The following PCLO variants were observed in gnomAD, a reference collection of about 807,000 sequenced individuals.
The protein encoded by PCLO is protein piccolo.
A neutral mutation model predicts 427.5 loss-of-function variants in PCLO; 82 were observed. That is an observed-to-expected ratio of 0.19 (90% CI 0.16 to 0.23). The LOEUF (loss-of-function observed/expected upper bound fraction) is 0.23, where lower values mean the gene tolerates loss of function less well. Among genes scored for constraint, PCLO ranks in the 10% least tolerant of loss-of-function variants. The probability of loss-of-function intolerance (pLI) is 1.00; values close to 1 mark genes in which losing one functional copy is unlikely to be tolerated. For missense variants in PCLO, 6,239 were observed against 6,115.9 expected (o/e 1.02, Z -0.67); for synonymous variants, 2,357 against 2,155.4 (o/e 1.09, Z -2.59).
intron 3 of PCLO, among the ~76,000 whole-genome samples, chr7:83,017,327 A>AT (rs957025649): frequency 4.6e-5 from 7 of 151,758 alleles, no homozygotes; most frequent in South Asian, 2.1e-4. Context: ...ACATTAAAGA[A>AT]TTTTTTTTTG....
intron 22 of PCLO, among the ~76,000 whole-genome samples, chr7:82,763,225 T>C (rs962287115): frequency 1.3e-5 from 2 of 152,058 alleles, no homozygotes; most frequent in Non-Finnish European, 2.9e-5. Flanking sequence ...ATAAATAAAG[T>C]GTCTACTAGC....
chr7:82,824,680 G>T (rs1307545989), intron 18 of PCLO, among the ~76,000 whole-genome samples: 1 of 150,736 alleles, frequency 6.6e-6, no homozygotes, highest in Admixed American at 6.7e-5. Flanking sequence ...TGGATATGAT[G>T]TTAAAAGATA....
In PCLO at chr7:82,915,569, T is replaced by G; in HGVS notation, c.12417A>C (p.Leu4139Phe). 1 of 1,613,712 alleles carries G rather than the reference T, an allele frequency of 6.2e-7. No homozygotes were observed. ...AATGAGAAAGACCAGCAAGGTGATCTAAGCTCTCTGTCCCTCTACGAAATT... is the reference window on the plus strand; with the variant it reads ...AATGAGAAAGACCAGCAAGGTGATCGAAGCTCTCTGTCCCTCTACGAAATT... ...KQEFRRGTES[L>F]DHLAGLSHYY... The change falls in exon 7 of 25, where the codon TTA becomes TTC. Residue 4139 changes from leucine (L) to phenylalanine (F), a missense_variant. This residue lies in a region of PCLO where 680 missense variants were observed against 677.3 expected (regional missense o/e 1.00). Coordinates refer to ENST00000333891, the MANE Select transcript of PCLO (RefSeq NM_033026.6).
chr7:82,923,056 A>G (rs932121417), intron 6 of PCLO, among the ~76,000 whole-genome samples: 1 of 152,012 alleles, frequency 6.6e-6, no homozygotes, highest in African/African-American at 2.4e-5. Flanking sequence ...TGTAAACAAG[A>G]TATTTTGATA....
chr7:82,984,666 T>G (rs1318798166), intron 3 of PCLO, among the ~76,000 whole-genome samples: 1 of 151,964 alleles, frequency 6.6e-6, no homozygotes, highest in African/African-American at 2.4e-5. Flanking sequence ...CACAGCTTTC[T>G]GCTAAATCCT....
In PCLO at chr7:83,023,720, G is replaced by C. The variant is rs151239615; in HGVS notation, c.3301-57233C>G. Among the ~76,000 whole-genome samples the C allele has an allele frequency of 1.5e-3, 226 of 152,260 alleles. 1 individual carries two copies. Among genetic ancestry groups the C allele is most frequent in the African/African-American group, 5.2e-3 (217 of 41,556 alleles). ...CCATGAGTACGGAAAGCTTACGATTGTTTCAGATAAAATTTAATAGTTTCA... is the reference window on the plus strand; with the variant it reads ...CCATGAGTACGGAAAGCTTACGATTCTTTCAGATAAAATTTAATAGTTTCA... On this transcript the variant is annotated intron_variant, in intron 3 of 24. Coordinates refer to ENST00000333891, the MANE Select transcript of PCLO (RefSeq NM_033026.6).
intron 3 of PCLO, among the ~76,000 whole-genome samples, chr7:82,993,112 T>C (rs1294082336): frequency 6.6e-6 from 1 of 152,022 alleles, no homozygotes; most frequent in East Asian, 1.9e-4. Context: ...ATTGAAAATA[T>C]GTAGTTTTTC....
intron 16 of PCLO, among the ~76,000 whole-genome samples, chr7:82,829,764 TCTC>T (rs1167712102): frequency 2.0e-5 from 3 of 152,036 alleles, no homozygotes; most frequent in African/African-American, 7.2e-5. Context: ...ATAGAGAAAT[TCTC>T]CTACCTGTGA....
intron 3 of PCLO, among the ~76,000 whole-genome samples, chr7:82,991,148 G>T (rs1366854205): frequency 6.6e-6 from 1 of 152,096 alleles, no homozygotes; most frequent in Non-Finnish European, 1.5e-5. Context: ...TCAATTAGCT[G>T]TGGCCTTTTT....
intron 10 of PCLO, among the ~76,000 whole-genome samples, chr7:82,871,067 A>G (rs1793224167): frequency 1.3e-5 from 2 of 152,062 alleles, no homozygotes; most frequent in South Asian, 4.1e-4. Flanking sequence ...TCAAAAAACC[A>G]AAAATAGAAC....
At chr7:82,830,981 A>G (rs1311121039) in intron 16 of PCLO, among the ~76,000 whole-genome samples, 1 of 151,954 alleles carries the variant, frequency 6.6e-6, no homozygotes, top group African/African-American at 2.4e-5. Flanking sequence ...CAACTAAAAA[A>G]CCCTTAATTG....
chr7:82,934,339 AACTGTGTATGGATCC>A (rs1794904193), intron 6 of PCLO, among the ~76,000 whole-genome samples: 1 of 151,862 alleles, frequency 6.6e-6, no homozygotes, highest in South Asian at 2.1e-4. Context: ...ATATTAATTA[AACTGTGTATGGATCC>A]ACTCACCTAG....
intron 10 of PCLO, among the ~76,000 whole-genome samples, chr7:82,860,504 C>CA (rs907893765): frequency 3.3e-5 from 5 of 151,068 alleles, no homozygotes; most frequent in Middle Eastern, 3.4e-3. Context: ...TTAACCCAGA[C>CA]AAAAAAAAGC....
chr7:83,151,391 A>G (rs182490186), intron 2 of PCLO, among the ~76,000 whole-genome samples: 1 of 147,992 alleles, frequency 6.8e-6, no homozygotes, highest in East Asian at 1.9e-4. Flanking sequence ...TTGCAACTTT[A>G]AAAGCACTTC....
intron 3 of PCLO, among the ~76,000 whole-genome samples, chr7:83,085,246 T>G (rs1246153596): frequency 6.6e-6 from 1 of 152,172 alleles, no homozygotes; most frequent in Non-Finnish European, 1.5e-5. Flanking sequence ...AAACATGTTG[T>G]GTAATTTTAG....
intron 6 of PCLO, among the ~76,000 whole-genome samples, chr7:82,939,037 T>C (rs1338453033): frequency 3.9e-5 from 6 of 152,104 alleles, no homozygotes; most frequent in Non-Finnish European, 8.8e-5. Flanking sequence ...GTACTCTGGA[T>C]GCCGAATGTT....
intron 20 of PCLO, among the ~76,000 whole-genome samples, chr7:82,818,670 AT>A (rs1283241395): frequency 6.6e-6 from 1 of 152,216 alleles, no homozygotes; most frequent in Non-Finnish European, 1.5e-5. Context: ...TCACAAGACA[AT>A]GTTATATTTG....
rs367842675 is a variant in PCLO, at chr7:83,152,033, T to C, written c.1893+2715A>G. Reference sequence around the variant, plus strand: ...AGGCTGGAATGCAGTGGCGTGATCTTGGCTCACTGCAAGCTCCGCCTCCCC... The same window carrying C: ...AGGCTGGAATGCAGTGGCGTGATCTCGGCTCACTGCAAGCTCCGCCTCCCC... On this transcript the variant is annotated intron_variant, in intron 2 of 24. Transcript: ENST00000333891. Among the ~76,000 whole-genome samples, 375 of 152,118 alleles carry C rather than the reference T, an allele frequency of 2.5e-3. 2 individuals are homozygous for C. The highest frequency in any genetic ancestry group is 0.014 in the South Asian group (69 of 4,818).
chr7:82,943,851 A>G (rs1433789166), intron 6 of PCLO, among the ~76,000 whole-genome samples: 3 of 152,000 alleles, frequency 2.0e-5, no homozygotes, highest in African/African-American at 7.2e-5. Flanking sequence ...GCACAGAGGA[A>G]ACAGAAGTAA....
Sources: allele counts gnomAD v4.1 joint callset (sites outside exome capture counted in the v4.1 genomes callset), GRCh38; gene constraint gnomAD v4.1.1; regional missense constraint gnomAD v4.1.1; transcripts MANE v1.5; gene names NCBI Gene and HGNC (gene_info 2026-07-23, HGNC 2026-07-21).